Variants in TUT4 observed in about 807,000 individuals in gnomAD.
The protein encoded by TUT4 is terminal uridylyltransferase 4.
Under a neutral mutation model 192.2 loss-of-function variants are expected in TUT4, and 36 were observed. The ratio of observed to expected loss-of-function variants is 0.19; its 90% CI spans 0.14 to 0.25. TUT4 has a LOEUF of 0.25. Among genes scored for constraint, TUT4 ranks in the 10% least tolerant of loss-of-function variants. The pLI is 1.00. For synonymous variants in TUT4, 618 were observed against 666.0 expected, an observed-to-expected ratio of 0.93 and a Z score of 1.11; for missense variants, 1,493 against 1,957.2, an observed-to-expected ratio of 0.76 and a Z score of 4.47.
At chr1:52,551,847 A>G (rs142650203) in intron 1 of TUT4, among the ~76,000 whole-genome samples, 19 of 152,280 alleles carry the variant, frequency 1.2e-4, no homozygotes, top group African/African-American at 3.6e-4. Flanking sequence ...CAGAAACAGG[A>G]TATGTTCTGT....
At chr1:52,518,656 C>T (rs1571212721) in intron 2 of TUT4, among the ~76,000 whole-genome samples, 1 of 152,140 alleles carries the variant, frequency 6.6e-6, no homozygotes, top group Admixed American at 6.5e-5. Context: ...TACTGATACA[C>T]GTTACAACAT....
At chr1:52,536,579 G>A (rs1440175331) in intron 1 of TUT4, among the ~76,000 whole-genome samples, 2 of 152,184 alleles carry the variant, frequency 1.3e-5, no homozygotes, top group South Asian at 2.1e-4. Flanking sequence ...TTGGCCAGGC[G>A]TGGTGGCTCA....
At chr1:52,510,208 T>C (rs112766707) in intron 3 of TUT4, among the ~76,000 whole-genome samples, 3,958 of 148,832 alleles carry the variant, frequency 0.027, 151 homozygotes, top group African/African-American at 0.09. Context: ...GCTACTCTGG[T>C]GGCTGAGGTG....
intron 9 of TUT4, among the ~76,000 whole-genome samples, chr1:52,488,095 C>T (rs1268512305): frequency 1.9e-4 from 29 of 152,176 alleles, no homozygotes; most frequent in Non-Finnish European, 1.5e-5. Context: ...CTGACTGTTT[C>T]GTACTCAGCC....
intron 2 of TUT4, among the ~76,000 whole-genome samples, chr1:52,522,420 T>C (rs895029510): frequency 2.6e-5 from 4 of 152,216 alleles, no homozygotes; most frequent in African/African-American, 9.6e-5. Context: ...TGAAACCCTC[T>C]ACTGGATTAT....
intron 20 of TUT4, among the ~76,000 whole-genome samples, chr1:52,453,177 G>A (rs933872265): frequency 1.3e-5 from 2 of 152,038 alleles, no homozygotes; most frequent in Non-Finnish European, 2.9e-5. Context: ...CTGACATAAG[G>A]AGTTCGAGAC....
At chr1:52,435,947 C>A (rs1262764885) in intron 26 of TUT4, among the ~76,000 whole-genome samples, 2 of 151,938 alleles carry the variant, frequency 1.3e-5, no homozygotes, top group African/African-American at 4.8e-5. Flanking sequence ...CACACACAAA[C>A]CTTTCTGCAG....
intron 5 of TUT4, among the ~76,000 whole-genome samples, chr1:52,496,243 A>G (rs1174991721): frequency 6.6e-6 from 1 of 152,170 alleles, no homozygotes; most frequent in Non-Finnish European, 1.5e-5. Flanking sequence ...TCTGAAAGTC[A>G]TTCAAGTCAC....
intron 27 of TUT4, chr1:52,433,693 CCTGAGGGTTCGCGTT>C (rs1652841298): frequency 1.3e-5 from 2 of 152,100 alleles, no homozygotes; most frequent in Non-Finnish European, 2.9e-5. Context: ...TGACAGAGAG[CCTGAGGGTTCGCGTT>C]CTGATTCCAA....
At chr1:52,474,157 G>A (rs773990944) in intron 13 of TUT4, among the ~76,000 whole-genome samples, 1 of 152,134 alleles carries the variant, frequency 6.6e-6, no homozygotes, top group Non-Finnish European at 1.5e-5. Context: ...GCAGTGAGCT[G>A]AGATTGCACC....
chr1:52,463,377 A>G, intron 16 of TUT4: 1 of 995,926 alleles, frequency 1.0e-6, no homozygotes, highest in Non-Finnish European at 1.2e-6. Context: ...GCAACTTTTC[A>G]GTTTCTTTAT....
chr1:52,520,559 T>A (rs1485437370), intron 2 of TUT4, among the ~76,000 whole-genome samples: 1 of 152,094 alleles, frequency 6.6e-6, no homozygotes, highest in African/African-American at 2.4e-5. Flanking sequence ...TTAATATGAA[T>A]CCCAAACAAT....
intron 2 of TUT4, among the ~76,000 whole-genome samples, chr1:52,519,049 C>T (rs1268893192): frequency 1.2e-4 from 18 of 152,104 alleles, no homozygotes; most frequent in African/African-American, 4.3e-4. Context: ...TGAAAACATA[C>T]ATCCACACAA....
chr1:52,430,777 T>G (rs1651815293), intron 28 of TUT4, among the ~76,000 whole-genome samples: 1 of 152,176 alleles, frequency 6.6e-6, no homozygotes, highest in Admixed American at 6.5e-5. Context: ...ATGGCCTATT[T>G]TACAGATGAA....
chr1:52,447,968 G>C (rs558247282), intron 20 of TUT4, among the ~76,000 whole-genome samples: 6 of 152,302 alleles, frequency 3.9e-5, no homozygotes, highest in African/African-American at 1.2e-4. Flanking sequence ...GGGCCCAATG[G>C]CCATTTCCAT....
rs1183261400 is a variant in TUT4, at chr1:52,431,300, T to C, written c.4424A>G (p.Tyr1475Cys). ...AGCTGGTGGTGACTGGGGAAAGTTA[T>C]ACAGTGGCATCTGGACCTGATGGGG... is the stretch of plus-strand genomic sequence containing the variant. ...QPPHQVQMPLYNFPQSPPAQY... is the reference protein window; with the variant it reads ...QPPHQVQMPLCNFPQSPPAQY... The change falls in exon 28 of 30, where the codon TAT becomes TGT. Residue 1475 changes from tyrosine (Y) to cysteine (C), a missense_variant. Tyr to Cys is a radical substitution (Grantham distance 194, BLOSUM62 -2). This residue lies in a region of TUT4 where 351 missense variants were observed against 397.8 expected (regional missense o/e 0.88). Transcript: ENST00000257177. The C allele has an allele frequency of 1.4e-5, 22 of 1,614,122 alleles. No individual in the cohort carries two copies. Among genetic ancestry groups the C allele is most frequent in the Non-Finnish European group, 1.7e-5 (20 of 1,180,020 alleles).
At position 52,495,947 on chromosome 1, in the gene TUT4, A is replaced by G. The variant is rs186480866; in HGVS notation, c.1178-432T>C. ...ATGCCAATGCTTTTATAAAATACGA[A>G]GTGAAGCCAAGTCAGTTAATTCTGT... On this transcript the variant is annotated intron_variant, in intron 5 of 29. Transcript: ENST00000257177. 3.9e-5 allele frequency among the ~76,000 whole-genome samples: 6 copies of G among 152,274 alleles called. No individual in the cohort carries two copies. In the East Asian group the frequency reaches 1.2e-3, roughly 29 times the overall value.
chr1:52,498,885 AC>A (rs1673197980), intron 4 of TUT4, among the ~76,000 whole-genome samples: 1 of 97,444 alleles, frequency 1.0e-5, no homozygotes, highest in Non-Finnish European at 2.0e-5. Flanking sequence ...AGACTCCATT[AC>A]AAAAAAAAAA....
At chr1:52,430,160 C>A (rs1557625795) in intron 28 of TUT4, among the ~76,000 whole-genome samples, 1 of 151,826 alleles carries the variant, frequency 6.6e-6, no homozygotes, top group Non-Finnish European at 1.5e-5. Context: ...AGAAAAAAAA[C>A]TATTTTTCTT....
Sources: gnomAD v4.1 joint callset for allele counts (sites outside exome capture counted in the v4.1 genomes callset) on GRCh38, gnomAD v4.1.1 for gene constraint, gnomAD v4.1.1 regional missense constraint, MANE v1.5 for transcripts, NCBI Gene and HGNC (gene_info 2026-07-23, HGNC 2026-07-21) for gene names.